Variants in RPS6KC1 observed in about 807,000 individuals in gnomAD.
RPS6KC1 encodes ribosomal protein S6 kinase C1.
RPS6KC1 carries 54 observed loss-of-function variants against 103.8 expected under a neutral mutation model. That is an observed-to-expected ratio of 0.52 (90% CI 0.42 to 0.65). The LOEUF (loss-of-function observed/expected upper bound fraction) is 0.65. Among genes scored for constraint, RPS6KC1 ranks in the 30% least tolerant of loss-of-function variants. The pLI is 0.00. For synonymous variants in RPS6KC1, 439 were observed against 438.7 expected, an observed-to-expected ratio of 1.00 and a Z score of -0.01; for missense variants, 1,151 against 1,253.8, an observed-to-expected ratio of 0.92 and a Z score of 1.24.
At chr1:213,530,579 A>G in the RPS6KC1 span, among the ~76,000 whole-genome samples, 5 of 152,180 alleles carry the variant, frequency 3.3e-5, no homozygotes, top group Non-Finnish European at 7.4e-5. Context: ...AGGCTCTCAC[A>G]GTTAATAAGT....
At chr1:213,672,716 T>C in the RPS6KC1 span, among the ~76,000 whole-genome samples, 1 of 152,214 alleles carries the variant, frequency 6.6e-6, no homozygotes, top group East Asian at 1.9e-4. Context: ...TTTCAAATCA[T>C]TATTTTCGGT....
At chr1:213,063,156 CTTGT>C (rs1433146101) in intron 1 of RPS6KC1, among the ~76,000 whole-genome samples, 3 of 152,186 alleles carry the variant, frequency 2.0e-5, no homozygotes, top group Non-Finnish European at 4.4e-5. Flanking sequence ...TTCCAAGCCC[CTTGT>C]TTATTTTCTG....
chr1:213,796,548 C>G, the RPS6KC1 span, among the ~76,000 whole-genome samples: 3 of 152,158 alleles, frequency 2.0e-5, no homozygotes, highest in Non-Finnish European at 4.4e-5. Flanking sequence ...GTGAAATATT[C>G]ATAGCAAAAG....
the RPS6KC1 span, among the ~76,000 whole-genome samples, chr1:213,570,719 C>G: frequency 6.6e-5 from 10 of 152,122 alleles, no homozygotes; most frequent in African/African-American, 2.2e-4. Context: ...TGACCCAGGT[C>G]AAATGGTGTG....
At chr1:213,486,663 ACAT>A in the RPS6KC1 span, among the ~76,000 whole-genome samples, 28 of 152,336 alleles carry the variant, frequency 1.8e-4, no homozygotes, top group African/African-American at 6.7e-4. Flanking sequence ...CTGTGTGATG[ACAT>A]CATAAGAGGC....
chr1:213,491,111 G>A, the RPS6KC1 span, among the ~76,000 whole-genome samples: 2 of 152,112 alleles, frequency 1.3e-5, no homozygotes, highest in Non-Finnish European at 2.9e-5. Flanking sequence ...AGGCACTGAG[G>A]GCAGTTGTTA....
intron 4 of RPS6KC1, among the ~76,000 whole-genome samples, chr1:213,114,223 T>C (rs914742235): frequency 6.6e-5 from 10 of 151,988 alleles, no homozygotes; most frequent in Non-Finnish European, 1.3e-4. Flanking sequence ...GTTTGTATCC[T>C]CTTTTATTTC....
the RPS6KC1 span, among the ~76,000 whole-genome samples, chr1:213,810,435 C>T: frequency 3.8e-3 from 576 of 152,268 alleles, 4 homozygotes; most frequent in African/African-American, 0.012. Flanking sequence ...GCAATGGTCC[C>T]TGGGTTAAGA....
chr1:213,296,257 G>A, the RPS6KC1 span, among the ~76,000 whole-genome samples: 3 of 152,132 alleles, frequency 2.0e-5, no homozygotes, highest in African/African-American at 7.2e-5. Flanking sequence ...GCTCACGATT[G>A]GCCCTCAGAA....
chr1:213,480,237 G>A, the RPS6KC1 span, among the ~76,000 whole-genome samples: 2 of 151,762 alleles, frequency 1.3e-5, no homozygotes, highest in Non-Finnish European at 2.9e-5. Flanking sequence ...CATGATCGTG[G>A]TCATGATCTC....
chr1:213,151,439 A>C (rs1384874404), intron 6 of RPS6KC1, among the ~76,000 whole-genome samples: 9 of 88,924 alleles, frequency 1.0e-4, no homozygotes, highest in South Asian at 3.9e-4. Context: ...GGCGCCCCTC[A>C]CCTCCCGGAT....
the RPS6KC1 span, among the ~76,000 whole-genome samples, chr1:213,718,594 A>G: frequency 6.6e-6 from 1 of 152,224 alleles, no homozygotes; most frequent in African/African-American, 2.4e-5. Context: ...TTGGGAGGCA[A>G]TGGCTGTTTT....
chr1:213,804,692 A>G, the RPS6KC1 span, among the ~76,000 whole-genome samples: 1 of 152,224 alleles, frequency 6.6e-6, no homozygotes, highest in African/African-American at 2.4e-5. Flanking sequence ...CAGATCTTTA[A>G]GGATAAGATC....
At chr1:213,297,669 C>T in the RPS6KC1 span, among the ~76,000 whole-genome samples, 2 of 152,070 alleles carry the variant, frequency 1.3e-5, no homozygotes, top group South Asian at 2.1e-4. Context: ...TACTCTGTCA[C>T]CTAGCCTGGA....
intron 12 of RPS6KC1, among the ~76,000 whole-genome samples, chr1:213,260,111 GT>G (rs544489553): frequency 1.6e-3 from 237 of 152,270 alleles, no homozygotes; most frequent in African/African-American, 5.6e-3. Flanking sequence ...AATCTCTATT[GT>G]TAGGTAGTTC....
At chr1:213,517,550 T>A in the RPS6KC1 span, among the ~76,000 whole-genome samples, 13 of 152,240 alleles carry the variant, frequency 8.5e-5, no homozygotes, top group Admixed American at 2.0e-4. Context: ...TGAGTGAGTT[T>A]CTTAATCCTG....
the RPS6KC1 span, among the ~76,000 whole-genome samples, chr1:213,779,916 C>T: frequency 6.6e-6 from 1 of 152,160 alleles, no homozygotes; most frequent in Non-Finnish European, 1.5e-5. Flanking sequence ...GAGGAGAAGA[C>T]TCTCCCTGTG....
chr1:213,583,464 T>C, the RPS6KC1 span, among the ~76,000 whole-genome samples: 2 of 152,134 alleles, frequency 1.3e-5, no homozygotes, highest in Non-Finnish European at 2.9e-5. Flanking sequence ...TTTTCTACCA[T>C]GGACACCATA....
the RPS6KC1 span, among the ~76,000 whole-genome samples, chr1:213,486,849 T>A: frequency 1.3e-5 from 2 of 152,246 alleles, no homozygotes; most frequent in Non-Finnish European, 2.9e-5. Context: ...ATATAAAAGT[T>A]TCAGATTCTG....
Sources: allele counts gnomAD v4.1 joint callset (sites outside exome capture counted in the v4.1 genomes callset), GRCh38; gene constraint gnomAD v4.1.1; transcripts MANE v1.5; gene names NCBI Gene and HGNC (gene_info 2026-07-23, HGNC 2026-07-21).